Variants in SOX6 observed in about 807,000 individuals in gnomAD.
The protein encoded by SOX6 is transcription factor SOX-6.
SOX6 carries 11 observed loss-of-function variants against 97.8 expected under a neutral mutation model. The ratio of observed to expected loss-of-function variants is 0.11; its 90% CI spans 0.07 to 0.19. The LOEUF is 0.19. Ranked by LOEUF, SOX6 falls within the 10% of genes least tolerant of loss-of-function variation. The probability of loss-of-function intolerance (pLI) is 1.00; values close to 1 mark genes in which losing one functional copy is unlikely to be tolerated. For synonymous variants in SOX6, 360 were observed against 371.4 expected (o/e 0.97, Z 0.35); for missense variants, 810 against 1,039.5 (o/e 0.78, Z 3.04).
chr11:15,975,475 A>T (rs1275947189), intron 15 of SOX6, among the ~76,000 whole-genome samples: 2 of 152,222 alleles, frequency 1.3e-5, no homozygotes, highest in Non-Finnish European at 2.9e-5. Flanking sequence ...ATAAAAACAC[A>T]CTATCAAATG....
chr11:16,177,515 T>TAAATTTTATGGTTA (rs1361327209), intron 6 of SOX6, among the ~76,000 whole-genome samples: 4 of 151,868 alleles, frequency 2.6e-5, no homozygotes, highest in African/African-American at 9.7e-5. Context: ...TAAAATCACC[T>TAAATTTTATGGTTA]GCCGTAAATA....
chr11:16,152,601 A>G (rs952312684), intron 6 of SOX6, among the ~76,000 whole-genome samples: 1 of 152,314 alleles, frequency 6.6e-6, no homozygotes, highest in Admixed American at 6.5e-5. Context: ...GTCTTGATAA[A>G]CACATTCTGT....
chr11:16,148,226 G>A (rs1289420227), intron 6 of SOX6, among the ~76,000 whole-genome samples: 6 of 152,080 alleles, frequency 3.9e-5, no homozygotes, highest in Non-Finnish European at 8.8e-5. Context: ...ACCACCCATA[G>A]CCTTTTTTTA....
At chr11:16,019,073 C>T (rs1322501462) in intron 12 of SOX6, among the ~76,000 whole-genome samples, 4 of 152,024 alleles carry the variant, frequency 2.6e-5, no homozygotes, top group Admixed American at 2.0e-4. Flanking sequence ...AAACCATATG[C>T]GAAGTGACTG....
At chr11:16,714,749 C>T (rs1848207893) in intron 3 of SOX6, 2 of 151,520 alleles carry the variant, frequency 1.3e-5, no homozygotes, top group South Asian at 4.2e-4. Flanking sequence ...TGCGCCCAGC[C>T]GTTGTCTTTT....
At chr11:16,331,216 C>T (rs191747280) in intron 2 of SOX6, among the ~76,000 whole-genome samples, 4 of 152,220 alleles carry the variant, frequency 2.6e-5, no homozygotes, top group Non-Finnish European at 2.9e-5. Flanking sequence ...AGCAAAGTAA[C>T]TAGTGTGTTT....
At chr11:16,198,025 CTGTTGTTGTTGT>C (rs66685848) in intron 4 of SOX6, among the ~76,000 whole-genome samples, 117 of 150,018 alleles carry the variant, frequency 7.8e-4, no homozygotes, top group South Asian at 1.7e-3. Context: ...TCAAGATTTC[CTGTTGTTGTTGT>C]TGTTGTTGTT....
intron 6 of SOX6, among the ~76,000 whole-genome samples, chr11:16,128,357 T>C (rs1167525955): frequency 6.6e-6 from 1 of 152,246 alleles, no homozygotes; most frequent in Non-Finnish European, 1.5e-5. Context: ...TATACACATA[T>C]GTATAATATT....
intron 4 of SOX6, among the ~76,000 whole-genome samples, chr11:16,517,062 A>G (rs1263597574): frequency 6.7e-6 from 1 of 148,176 alleles, no homozygotes; most frequent in Admixed American, 6.7e-5. Flanking sequence ...ATATAAACAG[A>G]GCCAAAGACA....
At chr11:16,313,123 A>G (rs1855656094) in intron 3 of SOX6, 1 of 152,230 alleles carries the variant, frequency 6.6e-6, no homozygotes, top group Non-Finnish European at 1.5e-5. Context: ...ATGTTTTACA[A>G]TCTGGTCAAA....
At chr11:16,548,992 A>G (rs1048113417) in intron 4 of SOX6, among the ~76,000 whole-genome samples, 2 of 152,172 alleles carry the variant, frequency 1.3e-5, no homozygotes, top group Non-Finnish European at 2.9e-5. Context: ...TCTGGAATAT[A>G]TAAAAAGCTC....
At chr11:16,031,651 A>G (rs1050416043) in intron 12 of SOX6, 2 of 152,070 alleles carry the variant, frequency 1.3e-5, no homozygotes, top group African/African-American at 4.8e-5. Flanking sequence ...AAAATCATCA[A>G]TGATCAGAGA....
chr11:16,398,046 C>A (rs1246728814), intron 1 of SOX6, among the ~76,000 whole-genome samples: 1 of 151,484 alleles, frequency 6.6e-6, no homozygotes, highest in East Asian at 1.9e-4. Context: ...GGCTTCATGG[C>A]AATTTTCTGC....
intron 1 of SOX6, among the ~76,000 whole-genome samples, chr11:16,352,929 C>A (rs1282074275): frequency 6.6e-6 from 1 of 152,064 alleles, no homozygotes; most frequent in Non-Finnish European, 1.5e-5. Flanking sequence ...GTAGTTAAAG[C>A]TACTGACACA....
intron 3 of SOX6, among the ~76,000 whole-genome samples, chr11:16,651,560 A>C (rs996077068): frequency 6.6e-6 from 1 of 152,232 alleles, no homozygotes; most frequent in Non-Finnish European, 1.5e-5. Context: ...AAAGCATTTG[A>C]CAAAATCCAG....
intron 3 of SOX6, among the ~76,000 whole-genome samples, chr11:16,294,000 A>G (rs1854993078): frequency 6.6e-6 from 1 of 151,966 alleles, no homozygotes. Flanking sequence ...TGGCTTATAT[A>G]TGCATTATGG....
intron 2 of SOX6, among the ~76,000 whole-genome samples, chr11:16,720,113 A>G (rs1848248861): frequency 6.6e-6 from 1 of 152,200 alleles, no homozygotes; most frequent in Admixed American, 6.5e-5. Context: ...AACCAAAGCA[A>G]CCACTGTGGA....
chr11:16,635,667 C>A (rs543817588), intron 3 of SOX6, among the ~76,000 whole-genome samples: 2 of 152,314 alleles, frequency 1.3e-5, no homozygotes, highest in East Asian at 3.9e-4. Flanking sequence ...TCAGACACTT[C>A]ACAGCTGCCC....
At chr11:16,284,827 C>A (rs1189969111) in intron 3 of SOX6, among the ~76,000 whole-genome samples, 3 of 152,262 alleles carry the variant, frequency 2.0e-5, no homozygotes, top group South Asian at 4.1e-4. Flanking sequence ...TATTCAAATT[C>A]TTGTCCCATG....
Sources: gnomAD v4.1 joint callset for allele counts (sites outside exome capture counted in the v4.1 genomes callset) on GRCh38, gnomAD v4.1.1 for gene constraint, MANE v1.5 for transcripts, NCBI Gene and HGNC (gene_info 2026-07-23, HGNC 2026-07-21) for gene names.